LIPA: variants seen among roughly 807,000 people sequenced by gnomAD.
LIPA encodes the protein lipase A, lysosomal acid type, also known as lysosomal acid lipase/cholesteryl ester hydrolase.
In LIPA, 26 loss-of-function variants were observed where a neutral mutation model predicts 40.6. That is an observed-to-expected ratio of 0.64 (90% CI 0.47 to 0.89). The LOEUF (loss-of-function observed/expected upper bound fraction) is 0.89. LIPA is among the 40% of genes least tolerant of loss of function. The probability of loss-of-function intolerance (pLI) is 0.00; values close to 1 mark genes in which losing one functional copy is unlikely to be tolerated. For synonymous variants in LIPA, 188 were observed against 168.4 expected (o/e 1.12, Z -0.90); for missense variants, 455 against 479.6 (o/e 0.95, Z 0.48).
intron 2 of LIPA, among the ~76,000 whole-genome samples, chr10:89,390,827 G>A (rs1048642990): frequency 6.6e-6 from 1 of 152,174 alleles, no homozygotes; most frequent in Admixed American, 6.5e-5. Flanking sequence ...TAGTGCATTG[G>A]CAAATTGAAA....
intron 1 of LIPA, among the ~76,000 whole-genome samples, chr10:89,267,652 C>A (rs940404667): frequency 9.0e-5 from 13 of 144,986 alleles, no homozygotes; most frequent in African/African-American, 3.4e-4. Context: ...GTGGGTGCAG[C>A]GCACCAGCAT....
intron 3 of LIPA, among the ~76,000 whole-genome samples, chr10:89,244,586 AAAAT>A (rs955181074): frequency 7.9e-5 from 12 of 152,170 alleles, no homozygotes; most frequent in Admixed American, 2.0e-4. Flanking sequence ...CCGTCTCAAA[AAAAT>A]AAATAAATAA....
chr10:89,382,470 TG>T (rs757441771), intron 2 of LIPA, among the ~76,000 whole-genome samples: 1 of 152,244 alleles, frequency 6.6e-6, no homozygotes, highest in Non-Finnish European at 1.5e-5. Context: ...AAAACCCTTC[TG>T]GTCCCACTGA....
intron 2 of LIPA, among the ~76,000 whole-genome samples, chr10:89,397,681 AT>A (rs113650131): frequency 4.0e-5 from 6 of 151,550 alleles, no homozygotes; most frequent in Admixed American, 6.6e-5. Flanking sequence ...GATCCAGAGC[AT>A]TTTTTTTCAT....
intron 1 of LIPA, among the ~76,000 whole-genome samples, chr10:89,295,000 AGAAAG>A (rs1564778265): frequency 3.0e-5 from 3 of 101,494 alleles, no homozygotes; most frequent in African/African-American, 1.0e-4. Context: ...AAAAAAAGGA[AGAAAG>A]GAAAGGAAAT....
At chr10:89,327,067 T>C (rs1034467389) in intron 1 of LIPA, among the ~76,000 whole-genome samples, 2 of 151,974 alleles carry the variant, frequency 1.3e-5, no homozygotes, top group Non-Finnish European at 2.9e-5. Flanking sequence ...GATTTTCTGA[T>C]TGACAATTTG....
chr10:89,357,401 T>C (rs1003213130), intron 2 of LIPA, among the ~76,000 whole-genome samples: 1 of 152,234 alleles, frequency 6.6e-6, no homozygotes, highest in Non-Finnish European at 1.5e-5. Flanking sequence ...TTGGTGCTCC[T>C]GGACTTTTGT....
At chr10:89,311,828 C>T (rs1843518017) in intron 1 of LIPA, among the ~76,000 whole-genome samples, 1 of 152,026 alleles carries the variant, frequency 6.6e-6, no homozygotes, top group Non-Finnish European at 1.5e-5. Flanking sequence ...TGAATGTTAC[C>T]AGTCTTTAAT....
chr10:89,291,962 T>C (rs1252221023), intron 1 of LIPA: 3 of 152,198 alleles, frequency 2.0e-5, no homozygotes, highest in Non-Finnish European at 2.9e-5. Context: ...GAATCAGGTG[T>C]ACCCTCTTTA....
At chr10:89,263,855 T>C (rs766738936) in intron 1 of LIPA, among the ~76,000 whole-genome samples, 1 of 152,234 alleles carries the variant, frequency 6.6e-6, no homozygotes, top group Non-Finnish European at 1.5e-5. Context: ...CCAGCCACTG[T>C]GGAGAGTCAG....
upstream of LIPA, among the ~76,000 whole-genome samples, chr10:89,347,045 C>T (rs1429740352): frequency 6.6e-6 from 1 of 152,082 alleles, no homozygotes; most frequent in African/African-American, 2.4e-5. Flanking sequence ...CCAAGACTAC[C>T]CCTAGATTTG....
At chr10:89,315,025 A>G (rs189658089) in intron 1 of LIPA, among the ~76,000 whole-genome samples, 49 of 152,340 alleles carry the variant, frequency 3.2e-4, no homozygotes, top group African/African-American at 1.2e-3. Context: ...TTGTGAGCAA[A>G]GAAGGGAAGA....
chr10:89,402,737 A>T, intron 2 of LIPA: 1 of 1,614,198 alleles, frequency 6.2e-7, no homozygotes. Flanking sequence ...AGTGTGGAGG[A>T]AAAAATTATG....
intron 8 of LIPA, 102 bp downstream of exon 8, chr10:89,222,409 A>G: frequency 2.5e-6 from 2 of 802,428 alleles, no homozygotes; most frequent in Non-Finnish European, 4.5e-6. Context: ...ACCAGATCAG[A>G]TTTGTAAGCA....
chr10:89,218,602 C>T (rs1371114175), intron 8 of LIPA, among the ~76,000 whole-genome samples: 7 of 152,164 alleles, frequency 4.6e-5, no homozygotes, highest in East Asian at 1.9e-4. Context: ...CTATCTCCTT[C>T]GCACAAAGTC....
chr10:89,269,169 T>C, intron 1 of LIPA, among the ~76,000 whole-genome samples: 1 of 144,218 alleles, frequency 6.9e-6, no homozygotes, highest in Non-Finnish European at 1.5e-5. Context: ...TACTAAAAAA[T>C]ACAAAAAAAA....
intron 2 of LIPA, among the ~76,000 whole-genome samples, chr10:89,382,228 A>C (rs1355535625): frequency 6.6e-6 from 1 of 152,208 alleles, no homozygotes; most frequent in East Asian, 1.9e-4. Context: ...GAGTAAGAGA[A>C]AATTTCATAA....
At chr10:89,292,177 G>C (rs1014561064) in intron 1 of LIPA, 5 of 152,070 alleles carry the variant, frequency 3.3e-5, no homozygotes, top group Non-Finnish European at 7.4e-5. Context: ...ACTAATTCAG[G>C]GATTCTGTGA....
At chr10:89,320,025 T>C (rs994186850) in intron 1 of LIPA, among the ~76,000 whole-genome samples, 1 of 152,332 alleles carries the variant, frequency 6.6e-6, no homozygotes, top group East Asian at 1.9e-4. Context: ...TAGCCCTTCA[T>C]GCTAAAAACT....
Sources: allele counts gnomAD v4.1 joint callset (sites outside exome capture counted in the v4.1 genomes callset), GRCh38; gene constraint gnomAD v4.1.1; transcripts MANE v1.5; gene names NCBI Gene and HGNC (gene_info 2026-07-23, HGNC 2026-07-21).